Variants in SEPTIN11 observed in about 807,000 individuals in gnomAD.
SEPTIN11 encodes the protein septin-11.
SEPTIN11 carries 25 observed loss-of-function variants against 51.4 expected under a neutral mutation model. The observed-to-expected ratio is 0.49, with a 90% CI of 0.35 to 0.68. The LOEUF (loss-of-function observed/expected upper bound fraction) is 0.68. Ranked by LOEUF, SEPTIN11 falls within the 30% of genes least tolerant of loss-of-function variation. SEPTIN11 has a pLI of 0.00. For synonymous variants in SEPTIN11, 174 were observed against 184.1 expected (o/e 0.95, Z 0.44); for missense variants, 381 against 520.8 (o/e 0.73, Z 2.61).
At chr4:76,956,995 A>AGTGTGT (rs58599465) in intron 1 of SEPTIN11, among the ~76,000 whole-genome samples, 1 of 130,074 alleles carries the variant, frequency 7.7e-6, no homozygotes, top group Non-Finnish European at 1.6e-5. Context: ...TGTGTGTGTG[A>AGTGTGT]GAGAGAGAGA....
chr4:76,955,383 AG>A (rs766950038), intron 1 of SEPTIN11, among the ~76,000 whole-genome samples: 2 of 152,202 alleles, frequency 1.3e-5, no homozygotes, highest in Non-Finnish European at 2.9e-5. Flanking sequence ...TTCCAAGCCC[AG>A]GAAACAGCAT....
chr4:77,034,901 G>A lies in SEPTIN11; in HGVS notation c.*389G>A. ...AGCAGCTGAACTAAAAACCTGAATA[G>A]CCATGACAAGAGTTTGCATTTTCTT... On this transcript the variant is annotated 3_prime_UTR_variant, in exon 10 of 10. Coordinates refer to ENST00000264893, the MANE Select transcript of SEPTIN11 (RefSeq NM_018243.4). 4.0e-6 allele frequency: 4 copies of A among 996,690 alleles called. No individual in the cohort carries two copies. The highest frequency in any genetic ancestry group is 4.8e-6 in the Non-Finnish European group (4 of 837,430). 61.7% of individuals were successfully genotyped at this position (996,690 alleles called of 1,614,324 possible).
rs879317765 is a variant in SEPTIN11 at position 77,024,186 on chromosome 4, G to T, written c.953+3516G>T. On this transcript the variant is annotated intron_variant, in intron 7 of 9. Transcript: ENST00000264893. The surrounding 1 kb of genome is among the most constrained non-coding windows in gnomAD (Gnocchi z 4.2). ...CACAGAAACGCCGTATTCAAGCCTTGGCAGCACACCACGGCAGTAAAGCTA... is the reference window on the plus strand; with the variant it reads ...CACAGAAACGCCGTATTCAAGCCTTTGCAGCACACCACGGCAGTAAAGCTA... Among the ~76,000 whole-genome samples, 1 of 152,184 alleles carries T rather than the reference G, an allele frequency of 6.6e-6. No individual in the cohort carries two copies. Among genetic ancestry groups the T allele is most frequent in the Admixed American group, 6.5e-5 (1 of 15,288 alleles).
intron 1 of SEPTIN11, among the ~76,000 whole-genome samples, chr4:76,975,642 T>TGA (rs1182239925): frequency 2.6e-5 from 4 of 152,226 alleles, no homozygotes; most frequent in Non-Finnish European, 5.9e-5. Context: ...TGATGCAGCG[T>TGA]ATTCTTTTGG....
chr4:77,002,864 A>G (rs935158827), intron 2 of SEPTIN11, among the ~76,000 whole-genome samples: 2 of 152,092 alleles, frequency 1.3e-5, no homozygotes, highest in African/African-American at 4.8e-5. Flanking sequence ...AATGACATTC[A>G]GGATGTTACA....
At chr4:77,016,633 C>CATATACACATATATATATATAT (rs1725289490) in intron 5 of SEPTIN11, among the ~76,000 whole-genome samples, 1 of 72,746 alleles carries the variant, frequency 1.4e-5, no homozygotes, top group Admixed American at 1.6e-4. Flanking sequence ...TATATATACA[C>CATATACACATATATATATATAT]ATATATATAT....
At chr4:77,034,252 C>A (rs1471669934) in intron 9 of SEPTIN11, among the ~76,000 whole-genome samples, 5 of 152,174 alleles carry the variant, frequency 3.3e-5, no homozygotes, top group Non-Finnish European at 7.3e-5. Context: ...TTCAAGAAGT[C>A]ACTTGTGAAT....
At chr4:76,956,900 T>C (rs1444797130) in intron 1 of SEPTIN11, among the ~76,000 whole-genome samples, 1 of 152,052 alleles carries the variant, frequency 6.6e-6, no homozygotes, top group African/African-American at 2.4e-5. Context: ...TGTATCCCTG[T>C]CTGTAAGGAT....
intron 1 of SEPTIN11, among the ~76,000 whole-genome samples, chr4:76,970,439 A>G (rs1204990172): frequency 1.3e-5 from 2 of 152,234 alleles, no homozygotes; most frequent in African/African-American, 4.8e-5. Flanking sequence ...ACTTAGTCAG[A>G]AAACATTACT....
intron 3 of SEPTIN11, among the ~76,000 whole-genome samples, chr4:77,008,977 T>A (rs568570509): frequency 6.6e-6 from 1 of 152,366 alleles, no homozygotes; most frequent in Non-Finnish European, 1.5e-5. Context: ...AAGAGGCAGA[T>A]AATTCATCTC....
chr4:76,951,914 A>G (rs1455989423), intron 1 of SEPTIN11, among the ~76,000 whole-genome samples: 1 of 152,216 alleles, frequency 6.6e-6, no homozygotes, highest in East Asian at 1.9e-4. Context: ...TTTTAAGTAT[A>G]CGTGCACAGA....
chr4:77,028,121 C>T (rs912361148), intron 7 of SEPTIN11, among the ~76,000 whole-genome samples: 1 of 152,082 alleles, frequency 6.6e-6, no homozygotes, highest in Non-Finnish European at 1.5e-5. Context: ...ATTCCCTTCC[C>T]CTCATTTCAT....
Position 77,031,194 on chromosome 4 carries a change from G to A in SEPTIN11, c.1274+224G>A, listed in dbSNP as rs1380092356. 6.2e-6 allele frequency: 3 copies of A among 481,186 alleles called. No individual in the cohort carries two copies. In the East Asian group the frequency reaches 1.2e-4, roughly 20 times the overall value. 29.8% of individuals were successfully genotyped at this position (481,186 alleles called of 1,614,324 possible). ...TTACCACAATTGACCAAGCAATCAGGCCTGGAGGAACCTGTTGTCTCCAGT... is the reference window on the plus strand; with the variant it reads ...TTACCACAATTGACCAAGCAATCAGACCTGGAGGAACCTGTTGTCTCCAGT... On this transcript the variant is annotated intron_variant, in intron 9 of 9. Transcript: ENST00000264893.
At chr4:76,981,768 C>T (rs1722782200) in intron 1 of SEPTIN11, among the ~76,000 whole-genome samples, 1 of 149,554 alleles carries the variant, frequency 6.7e-6, no homozygotes, top group South Asian at 2.1e-4. Context: ...TCATGCTCTG[C>T]AGAAGTTTGC....
intron 7 of SEPTIN11, among the ~76,000 whole-genome samples, chr4:77,023,053 G>A (rs1277148968): frequency 6.6e-6 from 1 of 152,146 alleles, no homozygotes; most frequent in African/African-American, 2.4e-5. Context: ...AGGAGGAGGT[G>A]GAGCTGGGTA....
intron 1 of SEPTIN11, among the ~76,000 whole-genome samples, chr4:76,985,306 A>T (rs560654425): frequency 2.5e-4 from 38 of 152,346 alleles, no homozygotes; most frequent in African/African-American, 7.7e-4. Context: ...TCTAAGAAAA[A>T]AGTGCTCTAG....
chr4:76,973,553 C>T (rs1022549346), intron 1 of SEPTIN11, among the ~76,000 whole-genome samples: 3 of 152,244 alleles, frequency 2.0e-5, no homozygotes, highest in Non-Finnish European at 4.4e-5. Context: ...TTCCTCAGAC[C>T]ATCCCAAACA....
At chr4:77,016,609 T>TACACAC (rs1218361317) in intron 5 of SEPTIN11, among the ~76,000 whole-genome samples, 12 of 46,304 alleles carry the variant, frequency 2.6e-4, no homozygotes, top group African/African-American at 1.2e-3. Flanking sequence ...CATATATATA[T>TACACAC]ATACACATAT....
chr4:77,033,273 A>G (rs1466817693), intron 9 of SEPTIN11, among the ~76,000 whole-genome samples: 1 of 152,196 alleles, frequency 6.6e-6, no homozygotes, highest in Admixed American at 6.5e-5. Flanking sequence ...AGAGCTGGGA[A>G]GATGCCTCCT....
Sources: allele counts gnomAD v4.1 joint callset (sites outside exome capture counted in the v4.1 genomes callset), GRCh38; gene constraint gnomAD v4.1.1; non-coding constraint Gnocchi (gnomAD v3.1); transcripts MANE v1.5; gene names NCBI Gene and HGNC (gene_info 2026-07-23, HGNC 2026-07-21).